Variants in MPC2 observed in about 807,000 individuals in gnomAD.
MPC2 encodes the protein brain protein 44.
Under a neutral mutation model 19.2 loss-of-function variants are expected in MPC2, and 19 were observed. The observed-to-expected ratio is 0.99, with a 90% confidence interval of 0.69 to 1.45. MPC2 has a LOEUF of 1.45. Ranked by LOEUF, MPC2 falls within the 40% of genes most tolerant of loss-of-function variation. MPC2 has a pLI of 0.00. For synonymous variants in MPC2, 61 were observed against 54.3 expected (o/e 1.12, Z -0.54); for missense variants, 122 against 153.0 (o/e 0.80, Z 1.07).
chr1:167,936,852 C>A, intron 1 of MPC2, 87 bp downstream of exon 1: 1 of 1,393,894 alleles, frequency 7.2e-7, no homozygotes, highest in Non-Finnish European at 9.9e-7. Context: ...CGGGTGTCCC[C>A]TCCCCCTCCT....
intron 3 of MPC2, among the ~76,000 whole-genome samples, chr1:167,922,958 A>G (rs1048815865): frequency 2.0e-5 from 3 of 152,196 alleles, no homozygotes; most frequent in Non-Finnish European, 4.4e-5. Context: ...TATGTTCAGC[A>G]TGACTAATCA....
chr1:167,931,634 C>T (rs1670913905), intron 2 of MPC2, among the ~76,000 whole-genome samples: 2 of 151,944 alleles, frequency 1.3e-5, no homozygotes, highest in Non-Finnish European at 2.9e-5. Flanking sequence ...TAAGTTCTAA[C>T]AGAGATGCTA....
At chr1:167,932,802 C>CT (rs1258936130) in intron 2 of MPC2, among the ~76,000 whole-genome samples, 5 of 129,974 alleles carry the variant, frequency 3.8e-5, no homozygotes, top group Non-Finnish European at 3.1e-5. Context: ...GAGCAAGACT[C>CT]TGTCTCAAAA....
intron 5 of MPC2, among the ~76,000 whole-genome samples, chr1:167,919,441 T>C (rs1670545621): frequency 6.6e-6 from 1 of 152,220 alleles, no homozygotes; most frequent in South Asian, 2.1e-4. Context: ...ATAATGTCAT[T>C]ATCATAAATC....
At chr1:167,920,211 T>C (rs1422187343) in intron 4 of MPC2, 121 bp from the exon 5 acceptor site, 8 of 647,818 alleles carry the variant, frequency 1.2e-5, no homozygotes, top group Non-Finnish European at 2.1e-5. Context: ...AGAAATGCTA[T>C]ACTCTGAATT....
At chr1:167,935,932 C>T (rs748551016) in intron 1 of MPC2, 34 bp from the exon 2 acceptor site, 4 of 982,772 alleles carry the variant, frequency 4.1e-6, no homozygotes, top group Non-Finnish European at 6.3e-6. Flanking sequence ...ACTTTTCCTG[C>T]CACGACGACT....
chr1:167,935,917 T>G lies in MPC2; in HGVS notation c.-57-19A>C. On this transcript the variant is annotated intron_variant, in intron 1 of 5. Transcript: ENST00000271373. The stretch of plus-strand genomic sequence containing the variant: ...TCCCTGGCTGACAACGAAGGGGAGC[T>G]AGTCACTTTTCCTGCCACGACGACT... 8.6e-7 allele frequency: 1 copy of G among 1,161,030 alleles called. No homozygotes were observed. The highest frequency in any genetic ancestry group is 2.6e-5 in the East Asian group (1 of 38,848). 71.9% of individuals were successfully genotyped at this position (1,161,030 alleles called of 1,614,324 possible). A position where few individuals can be genotyped will look rare whatever the true frequency, so the allele number is the denominator to read the frequency against.
chr1:167,920,531 T>C lies in MPC2; in HGVS notation c.235+16A>G. ...TATGTTCTACAAGAAACACAGAAGA[T>C]ATTTATTTAATTTACCTGTAGCCAT... is the stretch of plus-strand genomic sequence containing the variant. On this transcript the variant is annotated intron_variant, in intron 4 of 5. Coordinates refer to ENST00000271373, the MANE Select transcript of MPC2 (RefSeq NM_001143674.4). 6.2e-7 allele frequency: 1 copy of C among 1,610,242 alleles called. No individual in the cohort carries two copies. The highest frequency in any genetic ancestry group is 8.5e-7 in the Non-Finnish European group (1 of 1,178,014).
intron 2 of MPC2, among the ~76,000 whole-genome samples, chr1:167,926,624 TGCTGCTGCTGCC>T (rs1172982097): frequency 1.3e-5 from 2 of 150,784 alleles, no homozygotes; most frequent in South Asian, 2.2e-4. Flanking sequence ...CTGCAGATGC[TGCTGCTGCTGCC>T]GCTGCTGCTG....
chr1:167,918,298 A>C lies in MPC2; in HGVS notation c.*25T>G. 6.4e-7 allele frequency: 1 copy of C among 1,553,170 alleles called. No individual in the cohort carries two copies. The highest frequency in any genetic ancestry group is 8.8e-7 in the Non-Finnish European group (1 of 1,131,168). ...TCCCAATGGTTTTGTCCACATCTAG[A>C]TTGTTCAGGTGATCAGGAACTCTTT... On this transcript the variant is annotated 3_prime_UTR_variant, in exon 6 of 6. Coordinates refer to ENST00000271373, the MANE Select transcript of MPC2 (RefSeq NM_001143674.4).
chr1:167,936,881 G>A, intron 1 of MPC2, 58 bp downstream of exon 1: 1 of 1,552,548 alleles, frequency 6.4e-7, no homozygotes, highest in African/African-American at 1.4e-5. Flanking sequence ...CCACGCGGTG[G>A]TCTCCCCTCC....
chr1:167,925,628 C>A (rs1216720216), intron 2 of MPC2, among the ~76,000 whole-genome samples: 1 of 148,394 alleles, frequency 6.7e-6, no homozygotes, highest in East Asian at 2.0e-4. Flanking sequence ...CTCACTGCAA[C>A]CTCCACCTCC....
intron 3 of MPC2, among the ~76,000 whole-genome samples, chr1:167,922,153 TAGA>T (rs1319209768): frequency 2.6e-5 from 4 of 152,172 alleles, no homozygotes; most frequent in African/African-American, 9.7e-5. Context: ...AAGTATCTAA[TAGA>T]AGAAGTCTCC....
chr1:167,926,632 C>T (rs1670762431), intron 2 of MPC2, among the ~76,000 whole-genome samples: 1 of 150,780 alleles, frequency 6.6e-6, no homozygotes, highest in African/African-American at 2.4e-5. Flanking sequence ...GCTGCTGCTG[C>T]TGCCGCTGCT....
Position 167,919,856 on chromosome 1 carries a change from TA to T in MPC2, c.347+122del, listed in dbSNP as rs902136501. 4.0e-5 allele frequency: 23 copies of T among 578,892 alleles called. No individual in the cohort carries two copies. In the Admixed American group the frequency reaches 6.3e-4, roughly 16 times the overall value. 35.9% of individuals were successfully genotyped at this position (578,892 alleles called of 1,614,324 possible). On this transcript the variant is annotated intron_variant, in intron 5 of 5. Transcript: ENST00000271373. ...GTCTTAGCATTATATATGAATCTTT[TA>T]AAAAAATTAGTGCCATCTCCAGCCT...
At chr1:167,935,963 A>G in intron 1 of MPC2, 65 bp from the exon 2 acceptor site, 1 of 739,158 alleles carries the variant, frequency 1.4e-6, no homozygotes, top group Non-Finnish European at 2.3e-6. Context: ...TCTCGCCTGG[A>G]GTACCCTTCC....
At chr1:167,922,699 G>A (rs1178869670) in intron 3 of MPC2, among the ~76,000 whole-genome samples, 1 of 151,998 alleles carries the variant, frequency 6.6e-6, no homozygotes, top group Non-Finnish European at 1.5e-5. Context: ...ATGACAAAGA[G>A]ACTAAACTTG....
chr1:167,932,410 TTGTG>T (rs1670936021), intron 2 of MPC2, among the ~76,000 whole-genome samples: 1 of 152,258 alleles, frequency 6.6e-6, no homozygotes, highest in African/African-American at 2.4e-5. Context: ...CAGTGTTTCA[TTGTG>T]TGCACCCCTT....
At position 167,925,476 on chromosome 1, in the gene MPC2, CATAT is replaced by C. The variant is rs1198576266; in HGVS notation, c.110-943_110-940del. 1.9e-3 allele frequency among the ~76,000 whole-genome samples: 131 copies of C among 69,812 alleles called. 2 individuals carry two copies. Among genetic ancestry groups the C allele is most frequent in the African/African-American group, 6.2e-3 (103 of 16,684 alleles). 45.8% of individuals were successfully genotyped at this position (69,812 alleles called of 152,430 possible). ...ATATATATATATATATATATATATA[CATAT>C]ACATATACACACACATATATATATA... On this transcript the variant is annotated intron_variant, in intron 2 of 5. Coordinates refer to ENST00000271373, the MANE Select transcript of MPC2 (RefSeq NM_001143674.4).
Sources: allele counts gnomAD v4.1 joint callset (sites outside exome capture counted in the v4.1 genomes callset), GRCh38; gene constraint gnomAD v4.1.1; transcripts MANE v1.5; gene names NCBI Gene and HGNC (gene_info 2026-07-23, HGNC 2026-07-21).